The following PIP4K2C variants were observed in gnomAD, a reference collection of about 807,000 sequenced individuals.
PIP4K2C encodes the protein phosphatidylinositol-5-phosphate 4-kinase type 2 gamma.
In PIP4K2C, 21 loss-of-function variants were observed where a neutral mutation model predicts 45.0. That is an observed-to-expected ratio of 0.47 (90% CI 0.33 to 0.67). PIP4K2C has a LOEUF of 0.67. Ranked by LOEUF, PIP4K2C falls within the 30% of genes least tolerant of loss-of-function variation. PIP4K2C has a pLI of 0.02. For missense variants in PIP4K2C, 456 were observed against 542.8 expected, an observed-to-expected ratio of 0.84 and a Z score of 1.59; for synonymous variants, 201 against 204.8, an observed-to-expected ratio of 0.98 and a Z score of 0.16.
In PIP4K2C at chr12:57,594,087, C is replaced by T; in HGVS notation, c.237C>T (p.Ser79=). 1 of 1,614,036 alleles carries T rather than the reference C, an allele frequency of 6.2e-7. No homozygotes were observed. The highest frequency in any genetic ancestry group is 1.1e-5 in the South Asian group (1 of 91,052). The change falls in exon 2 of 10, where the codon AGC becomes AGT. Residue 79 remains serine, a synonymous_variant. Coordinates refer to ENST00000354947, the MANE Select transcript of PIP4K2C (RefSeq NM_024779.5). ...VMLLPDDFKA[S]SKIKVNNHLF... ...TGCTGCCAGATGACTTTAAGGCCAG[C>T]TCCAAGATCAAGGTCAACAATCACC...
rs556923172 is a variant in PIP4K2C at position 57,601,517 on chromosome 12, C to T, written c.1186-9C>T. 1 of 1,610,616 alleles carries T rather than the reference C, an allele frequency of 6.2e-7. No homozygotes were observed. The highest frequency in any genetic ancestry group is 1.7e-5 in the Admixed American group (1 of 59,996). On this transcript the variant is annotated splice_polypyrimidine_tract_variant and intron_variant, in intron 9 of 9. Coordinates refer to ENST00000354947, the MANE Select transcript of PIP4K2C (RefSeq NM_024779.5). ...GGCCTGACATATTGTTCCGTATCTC[C>T]TCTCACAGGCTGGGGCAGAGATCTC...
rs1279402185 is a variant in PIP4K2C, at chr12:57,602,495, T to C, written c.*889T>C. The C allele has an allele frequency of 1.3e-5, 2 of 152,220 alleles. No homozygotes were observed. Among genetic ancestry groups the C allele is most frequent in the African/African-American group, 4.8e-5 (2 of 41,452 alleles). The allele number at this position is 152,220 out of a possible 1,614,324, so 9.4% of individuals were successfully genotyped here. Reference sequence around the variant, plus strand: ...TGATGGGCCAGGGTGTAGGATTCATTCTCCATGTAAAGTTTCCTTTCATCC... The same window carrying C: ...TGATGGGCCAGGGTGTAGGATTCATCCTCCATGTAAAGTTTCCTTTCATCC... On this transcript the variant is annotated 3_prime_UTR_variant, in exon 10 of 10. Coordinates refer to ENST00000354947, the MANE Select transcript of PIP4K2C (RefSeq NM_024779.5).
At chr12:57,596,619 T>C (rs74821813) in intron 4 of PIP4K2C, among the ~76,000 whole-genome samples, 1,608 of 152,178 alleles carry the variant, frequency 0.011, 26 homozygotes, top group African/African-American at 0.036. Flanking sequence ...GAGCAAGGAA[T>C]ACATCAGAGT....
intron 3 of PIP4K2C, 140 bp from the exon 4 acceptor site, chr12:57,595,748 C>A: frequency 1.2e-6 from 1 of 856,940 alleles, no homozygotes; most frequent in Non-Finnish European, 1.8e-6. Context: ...TCCTTCAGTC[C>A]ACATATGGAC....
At chr12:57,599,707 G>A (rs812315) in intron 6 of PIP4K2C, among the ~76,000 whole-genome samples, 107,232 of 151,944 alleles carry the variant, frequency 0.71, 38,631 homozygotes, top group South Asian at 0.84. Flanking sequence ...GAAGAGCAAA[G>A]TGTTTAACTT....
At position 57,591,426 on chromosome 12, in the gene PIP4K2C, C is replaced by G. The variant is rs1264898057; in HGVS notation, c.137C>G (p.Pro46Arg). ...GTGAAGGTGTTCCGGGCGGCCGACC[C>G]GCTGGTGGGTGTGTTCCTGTGGGGC... ...QKVKVFRAAD[P>R]LVGVFLWGVA... The change falls in exon 1 of 10, where the codon CCG becomes CGG. Residue 46 changes from proline to arginine, a missense_variant. Pro to Arg is a moderately radical substitution (Grantham distance 103). Transcript: ENST00000354947. 2 of 1,613,492 alleles carry G rather than the reference C, an allele frequency of 1.2e-6. No individual in the cohort carries two copies. Among genetic ancestry groups the G allele is most frequent in the Non-Finnish European group, 1.7e-6 (2 of 1,179,776 alleles).
rs1215306821 is a variant in PIP4K2C, at chr12:57,599,157, G to A, written c.606G>A (p.Val202=). 2.5e-6 allele frequency: 4 copies of A among 1,614,212 alleles called. No individual in the cohort carries two copies. The South Asian group carries it at 4.4e-5, about 18-fold the overall frequency. The change falls in exon 5 of 10, where the codon GTG becomes GTA. Residue 202 remains valine (V), a synonymous_variant. Coordinates refer to ENST00000354947, the MANE Select transcript of PIP4K2C (RefSeq NM_024779.5). Reference sequence around the variant, plus strand: ...ACAACGAAGACAGCTACATGCTTGTGATGCGCAATATGTTTAGCCACCGTC... The same window carrying A: ...ACAACGAAGACAGCTACATGCTTGTAATGCGCAATATGTTTAGCCACCGTC... ...SVDNEDSYML[V]MRNMFSHRLP...
rs1883472698 is a variant in PIP4K2C, at chr12:57,602,243, T to C, written c.*637T>C. ...GGTGGGACCTAAGAGGACTCATGAT[T>C]ATGCAGAGAATTGGATTGGGTCTCT... On this transcript the variant is annotated 3_prime_UTR_variant, in exon 10 of 10. Transcript: ENST00000354947. 1 of 153,356 alleles carries C rather than the reference T, an allele frequency of 6.5e-6. No homozygotes were observed. Among genetic ancestry groups the C allele is most frequent in the Non-Finnish European group, 1.5e-5 (1 of 68,806 alleles). The allele number at this position is 153,356 out of a possible 1,614,324, so 9.5% of individuals were successfully genotyped here.
intron 4 of PIP4K2C, among the ~76,000 whole-genome samples, chr12:57,598,291 T>C (rs1357069983): frequency 6.6e-6 from 1 of 151,992 alleles, no homozygotes; most frequent in Non-Finnish European, 1.5e-5. Context: ...GAGGCCGAGG[T>C]GGGCAGATTG....
At chr12:57,596,590 A>G (rs1883206499) in intron 4 of PIP4K2C, among the ~76,000 whole-genome samples, 1 of 152,252 alleles carries the variant, frequency 6.6e-6, no homozygotes, top group African/African-American at 2.4e-5. Context: ...TACTGAAGAA[A>G]AATTTCACCA....
chr12:57,599,111 G>A lies in PIP4K2C; in HGVS notation c.560G>A (p.Gly187Glu). ...AACACGCTTCTGCCCCAGTTCCTGG[G>A]GATGTACCGAGTCAGTGTGGACAAC... ...HGNTLLPQFL[G>E]MYRVSVDNED... is the part of the protein sequence containing the mutation. Residue 187 changes from glycine (G) to glutamate (E), a missense_variant, in exon 5 of 10, where the codon GGG becomes GAG. This residue lies in a region of PIP4K2C where 421 missense variants were observed against 473.1 expected (regional missense o/e 0.89). Transcript: ENST00000354947. 6.2e-7 allele frequency: 1 copy of A among 1,614,190 alleles called. No homozygotes were observed. The highest frequency in any genetic ancestry group is 8.5e-7 in the Non-Finnish European group (1 of 1,180,012).
chr12:57,595,182 ACCT>A lies in PIP4K2C; in HGVS notation c.332_334del (p.Leu111del). 1 of 1,612,390 alleles carries A rather than the reference ACCT, an allele frequency of 6.2e-7. No individual in the cohort carries two copies. Among genetic ancestry groups the A allele is most frequent in the Non-Finnish European group, 8.5e-7 (1 of 1,178,564 alleles). Reference sequence around the variant, plus strand: ...GAGTATTGTCCCCAGGTCTTCAGGAACCTCCGTGATCGATTTGGCATTGATGAC... The same window carrying A: ...GAGTATTGTCCCCAGGTCTTCAGGAACCGTGATCGATTTGGCATTGATGAC... On this transcript the variant is annotated inframe_deletion, in exon 3 of 10. Coordinates refer to ENST00000354947, the MANE Select transcript of PIP4K2C (RefSeq NM_024779.5).
rs527836487 is a variant in PIP4K2C at position 57,591,294 on chromosome 12, C to G, written c.5C>G (p.Ala2Gly). Residue 2 changes from alanine to glycine, a missense_variant, in exon 1 of 10, where the codon GCG becomes GGG. This residue lies in a region of PIP4K2C where 421 missense variants were observed against 473.1 expected (regional missense o/e 0.89). Transcript: ENST00000354947. ...TGGTCGGTTGCGCGGGAGACTATGG[C>G]GTCCTCCTCGGTCCCACCAGCCACG... The part of the protein sequence containing the change: M[A>G]SSSVPPATVS... 6.2e-7 allele frequency: 1 copy of G among 1,608,546 alleles called. No individual in the cohort carries two copies. Among genetic ancestry groups the G allele is most frequent in the South Asian group, 1.1e-5 (1 of 90,700 alleles).
intron 1 of PIP4K2C, 28 bp downstream of exon 1, chr12:57,591,491 C>T: frequency 1.3e-6 from 2 of 1,583,288 alleles, no homozygotes; most frequent in Non-Finnish European, 8.6e-7. Flanking sequence ...ACCCCCGCAG[C>T]CCTGTCCAAA....
intron 5 of PIP4K2C, 62 bp from the exon 6 acceptor site, chr12:57,599,338 G>A: frequency 6.2e-7 from 1 of 1,609,904 alleles, no homozygotes. Flanking sequence ...TCATCTTAGG[G>A]GCTGGGTTCT....
At chr12:57,599,036 C>T in intron 4 of PIP4K2C, 29 bp from the exon 5 acceptor site, 1 of 1,610,168 alleles carries the variant, frequency 6.2e-7, no homozygotes, top group Non-Finnish European at 8.5e-7. Flanking sequence ...CTCAGCCTCT[C>T]CCCATTCCTT....
chr12:57,599,365 A>C, intron 5 of PIP4K2C, 35 bp from the exon 6 acceptor site: 1 of 1,613,846 alleles, frequency 6.2e-7, no homozygotes, highest in Non-Finnish European at 8.5e-7. Flanking sequence ...TCTTTTAGCC[A>C]CTTCTACTGA....
intron 2 of PIP4K2C, among the ~76,000 whole-genome samples, chr12:57,594,907 T>C (rs2140184895): frequency 6.6e-6 from 1 of 151,912 alleles, no homozygotes; most frequent in African/African-American, 2.4e-5. Context: ...GGGATGGAGG[T>C]TGTGGTGAGC....
chr12:57,600,933 C>G lies in PIP4K2C; in HGVS notation c.936C>G (p.Asp312Glu). 1 of 1,614,208 alleles carries G rather than the reference C, an allele frequency of 6.2e-7. No individual in the cohort carries two copies. The highest frequency in any genetic ancestry group is 1.1e-5 in the South Asian group (1 of 91,086). ...AGGATGAGTCAGAGGTGGATGGGGA[C>G]TGCAGCCTGACTGGACCTCCTGCTC... Reference protein sequence around the residue: ...VREDESEVDGDCSLTGPPALV... With the variant: ...VREDESEVDGECSLTGPPALV... Residue 312 changes from aspartate (D) to glutamate (E), a missense_variant, in exon 8 of 10, where the codon GAC becomes GAG. Asp to Glu is a conservative substitution (Grantham distance 45). Coordinates refer to ENST00000354947, the MANE Select transcript of PIP4K2C (RefSeq NM_024779.5).
Sources: gnomAD v4.1 joint callset for allele counts (sites outside exome capture counted in the v4.1 genomes callset) on GRCh38, gnomAD v4.1.1 for gene constraint, gnomAD v4.1.1 regional missense constraint, MANE v1.5 for transcripts, NCBI Gene and HGNC (gene_info 2026-07-23, HGNC 2026-07-21) for gene names.